USP24: variants seen among roughly 807,000 people sequenced by gnomAD.
The protein encoded by USP24 is ubiquitin carboxyl-terminal hydrolase 24.
In USP24, 97 loss-of-function variants were observed where a neutral mutation model predicts 361.6. That is an observed-to-expected ratio of 0.27 (90% CI 0.23 to 0.32). USP24 has a LOEUF of 0.32. Ranked by LOEUF, USP24 falls within the 10% of genes least tolerant of loss-of-function variation. USP24 has a pLI of 1.00. For missense variants in USP24, 2,353 were observed against 3,165.6 expected (o/e 0.74, Z 6.16); for synonymous variants, 1,098 against 1,124.6 (o/e 0.98, Z 0.47).
intron 3 of USP24, among the ~76,000 whole-genome samples, chr1:55,173,738 G>A (rs1019857673): frequency 3.3e-5 from 5 of 152,160 alleles, no homozygotes; most frequent in African/African-American, 1.2e-4. Flanking sequence ...CAAATTAGCA[G>A]AAGTCATAAG....
At chr1:55,104,744 T>C (rs567499403) in intron 41 of USP24, among the ~76,000 whole-genome samples, 19 of 152,254 alleles carry the variant, frequency 1.2e-4, no homozygotes, top group African/African-American at 4.3e-4. Flanking sequence ...TAAGGGGGCT[T>C]ATGAGGCTTT....
rs187331666 is a variant in USP24, at chr1:55,142,929, T to G, written c.2580+50A>C. 11 of 1,448,518 alleles carry G rather than the reference T, an allele frequency of 7.6e-6. No homozygotes were observed. In the African/African-American group the frequency reaches 1.6e-4, roughly 21 times the overall value. The allele number at this position is 1,448,518 out of a possible 1,614,324, so 89.7% of individuals were successfully genotyped here. A position where few individuals can be genotyped will look rare whatever the true frequency, so the allele number is the denominator to read the frequency against. On this transcript the variant is annotated intron_variant, in intron 22 of 67. Transcript: ENST00000294383. ...ACAGCTTATCACTAAAATATACATA[T>G]AATTTTCTGCTTTTTTGTATATGGA... is the stretch of plus-strand genomic sequence containing the variant.
intron 30 of USP24, 150 bp from the exon 31 acceptor site, chr1:55,132,850 C>T: frequency 1.4e-6 from 1 of 692,058 alleles, no homozygotes; most frequent in Non-Finnish European, 2.2e-6. Flanking sequence ...AAAACCACAT[C>T]ACTCCGTAAC....
In USP24 at chr1:55,073,822, A is replaced by G; in HGVS notation, c.7526+6T>C. 6.4e-7 allele frequency: 1 copy of G among 1,564,510 alleles called. No homozygotes were observed. The highest frequency in any genetic ancestry group is 8.7e-7 in the Non-Finnish European group (1 of 1,153,510). On this transcript the variant is annotated splice_donor_region_variant and intron_variant, in intron 64 of 67. Coordinates refer to ENST00000294383, the MANE Select transcript of USP24 (RefSeq NM_015306.3). The stretch of plus-strand genomic sequence containing the variant: ...TTTCCTCCCTGCATTTTAATTCAAT[A>G]CTTACTTTTGAGCAAGAGTGACAAG...
chr1:55,214,718 G>T, intron 1 of USP24, 72 bp downstream of exon 1: 3 of 1,105,440 alleles, frequency 2.7e-6, no homozygotes, highest in Non-Finnish European at 3.4e-6. Context: ...ACCAAGCCCA[G>T]CGGGGTGTGT....
At chr1:55,095,481 A>G (rs749100212) in intron 50 of USP24, 85 bp from the exon 51 acceptor site, 18 of 1,425,622 alleles carry the variant, frequency 1.3e-5, no homozygotes, top group Non-Finnish European at 1.5e-5. Flanking sequence ...CCATTATTCC[A>G]GCAAGTAGTT....
chr1:55,175,226 T>A (rs1203997811), intron 3 of USP24, among the ~76,000 whole-genome samples: 3 of 136,174 alleles, frequency 2.2e-5, no homozygotes, highest in South Asian at 5.0e-4. Context: ...TCTCTTTTTT[T>A]TTTTTTTTTT....
intron 38 of USP24, among the ~76,000 whole-genome samples, chr1:55,119,467 CAA>C (rs964063736): frequency 2.6e-5 from 4 of 151,820 alleles, no homozygotes; most frequent in African/African-American, 9.7e-5. Flanking sequence ...TTTAGGATGG[CAA>C]AAGAGTTTTG....
At position 55,078,619 on chromosome 1, in the gene USP24, C is replaced by A; in HGVS notation, c.7233G>T (p.Ser2411=). The change falls in exon 61 of 68, where the codon TCG becomes TCT. Residue 2411 remains serine, a synonymous_variant. Transcript: ENST00000294383. ...CTACCATCTCAATGAGTGCCAAGAGCGAGCCTGTCAGCTCCCGCAAAGCAA... is the reference window on the plus strand; with the variant it reads ...CTACCATCTCAATGAGTGCCAAGAGAGAGCCTGTCAGCTCCCGCAAAGCAA... The part of the protein sequence containing the change: ...VMFALRELTG[S]LLALIEMVVY... 6.2e-7 allele frequency: 1 copy of A among 1,610,442 alleles called. No homozygotes were observed. Among genetic ancestry groups the A allele is most frequent in the Non-Finnish European group, 8.5e-7 (1 of 1,178,998 alleles).
intron 59 of USP24, among the ~76,000 whole-genome samples, chr1:55,079,994 A>C (rs560994155): frequency 6.6e-6 from 1 of 152,296 alleles, no homozygotes; most frequent in African/African-American, 2.4e-5. Context: ...GGGGATACCT[A>C]GTGATTCCCA....
intron 10 of USP24, among the ~76,000 whole-genome samples, chr1:55,157,890 C>A (rs1268761760): frequency 6.6e-6 from 1 of 151,706 alleles, no homozygotes; most frequent in Non-Finnish European, 1.5e-5. Context: ...TTCCCTGGAC[C>A]ACTGCTAATT....
intron 23 of USP24, 110 bp from the exon 24 acceptor site, chr1:55,141,841 G>C: frequency 1.1e-6 from 1 of 951,928 alleles, no homozygotes; most frequent in Non-Finnish European, 1.6e-6. Flanking sequence ...GGCATTCACT[G>C]TAGGATGTTT....
At chr1:55,129,811 T>C (rs1646540166) in intron 31 of USP24, among the ~76,000 whole-genome samples, 1 of 152,182 alleles carries the variant, frequency 6.6e-6, no homozygotes. Flanking sequence ...GTTCTTTTCA[T>C]GAAACTGGCA....
rs141303408 is a variant in USP24 at position 55,166,039 on chromosome 1, T to C, written c.862-89A>G. ...TCTATTGGTACATAGTAGGTGTATA[T>C]GTTTATGGGGCACACGAGATGTTTT... On this transcript the variant is annotated intron_variant, in intron 6 of 67. Coordinates refer to ENST00000294383, the MANE Select transcript of USP24 (RefSeq NM_015306.3). The C allele has an allele frequency of 1.7e-4, 199 of 1,184,744 alleles. 1 individual carries two copies. In the African/African-American group the frequency reaches 2.7e-3, roughly 16 times the overall value. The allele number at this position is 1,184,744 out of a possible 1,614,324, so 73.4% of individuals were successfully genotyped here. A position where few individuals can be genotyped will look rare whatever the true frequency, so the allele number is the denominator to read the frequency against.
chr1:55,177,983 G>C lies in USP24; in HGVS notation c.474C>G (p.Thr158=). Residue 158 remains threonine, a synonymous_variant, in exon 2 of 68, where the codon ACC becomes ACG. Transcript: ENST00000294383. ...ESLGKCLLAS[T]YLARLGLSES... ...AAAACTTACCAAGTCTTGCTAGGTA[G>C]GTAGATGCCAACAGGCATTTGCCTA... The C allele has an allele frequency of 6.4e-7, 1 of 1,551,522 alleles. No homozygotes were observed. The highest frequency in any genetic ancestry group is 8.7e-7 in the Non-Finnish European group (1 of 1,146,928).
chr1:55,128,912 G>A (rs1043002677), intron 32 of USP24, among the ~76,000 whole-genome samples: 2 of 151,564 alleles, frequency 1.3e-5, no homozygotes, highest in Non-Finnish European at 2.9e-5. Context: ...TAGACATGAG[G>A]TCTCACTATG....
At chr1:55,198,726 GA>G (rs1225840145) in intron 1 of USP24, among the ~76,000 whole-genome samples, 1 of 152,148 alleles carries the variant, frequency 6.6e-6, no homozygotes, top group Non-Finnish European at 1.5e-5. Flanking sequence ...ACAGATCCAA[GA>G]TCTCTTCTGG....
At chr1:55,080,899 A>G (rs145717164) in intron 59 of USP24, among the ~76,000 whole-genome samples, 1 of 152,158 alleles carries the variant, frequency 6.6e-6, no homozygotes, top group Non-Finnish European at 1.5e-5. Flanking sequence ...ACTTTATCTC[A>G]TTATCTCATT....
chr1:55,115,495 C>CAAAAAAAAAAAAA (rs1165658382), intron 38 of USP24, among the ~76,000 whole-genome samples: 30 of 45,842 alleles, frequency 6.5e-4, no homozygotes, highest in African/African-American at 1.8e-3. Context: ...GACTCCGCCT[C>CAAAAAAAAAAAAA]AAAAAAAAAA....
Sources: gnomAD v4.1 joint callset for allele counts (sites outside exome capture counted in the v4.1 genomes callset) on GRCh38, gnomAD v4.1.1 for gene constraint, MANE v1.5 for transcripts, NCBI Gene and HGNC (gene_info 2026-07-23, HGNC 2026-07-21) for gene names.